The following SIPA1L2 variants were observed in gnomAD, a reference collection of about 807,000 sequenced individuals.
SIPA1L2 encodes the protein signal induced proliferation associated 1 like 2.
Under a neutral mutation model 163.9 loss-of-function variants are expected in SIPA1L2, and 56 were observed. The ratio of observed to expected loss-of-function variants is 0.34; its 90% CI spans 0.28 to 0.43. The LOEUF is 0.43. Ranked by LOEUF, SIPA1L2 falls within the 20% of genes least tolerant of loss-of-function variation. SIPA1L2 has a pLI of 1.00. For synonymous variants in SIPA1L2, 877 were observed against 865.7 expected (o/e 1.01, Z -0.23); for missense variants, 1,974 against 2,193.5 (o/e 0.90, Z 2.00).
chr1:232,458,216 C>T (rs1664039810), intron 10 of SIPA1L2, among the ~76,000 whole-genome samples: 1 of 152,128 alleles, frequency 6.6e-6, no homozygotes, highest in Admixed American at 6.5e-5. Context: ...TCCTAGGAGG[C>T]AAGGGCAAAA....
At chr1:232,607,771 A>C (rs1662010107) in intron 1 of SIPA1L2, among the ~76,000 whole-genome samples, 1 of 151,770 alleles carries the variant, frequency 6.6e-6, no homozygotes, top group Admixed American at 6.6e-5. Context: ...AAAAAAAAAA[A>C]AACGCCGGGC....
chr1:232,509,341 T>C (rs1210864946), intron 3 of SIPA1L2, among the ~76,000 whole-genome samples: 2 of 152,330 alleles, frequency 1.3e-5, no homozygotes, highest in Admixed American at 6.5e-5. Flanking sequence ...TTTGCCATGA[T>C]TGGGAGCCAG....
At chr1:232,578,777 TAACTGAC>T (rs1660214602) in intron 1 of SIPA1L2, among the ~76,000 whole-genome samples, 1 of 152,224 alleles carries the variant, frequency 6.6e-6, no homozygotes, top group Admixed American at 6.5e-5. Context: ...TCCACTCTTT[TAACTGAC>T]GGCTTTTGTT....
chr1:232,446,050 C>T (rs925446401), intron 10 of SIPA1L2, among the ~76,000 whole-genome samples: 1 of 152,180 alleles, frequency 6.6e-6, no homozygotes, highest in African/African-American at 2.4e-5. Flanking sequence ...GGCTGCCGTG[C>T]AGCCACACAC....
At chr1:232,455,669 C>G (rs1008532640) in intron 10 of SIPA1L2, among the ~76,000 whole-genome samples, 3 of 146,450 alleles carry the variant, frequency 2.0e-5, no homozygotes, top group Non-Finnish European at 4.5e-5. Context: ...GAGCCGAGAT[C>G]GCGCCACTGC....
chr1:232,484,026 T>C lies in SIPA1L2; in HGVS notation c.1807-60A>G, dbSNP rs932167162. 4.7e-6 allele frequency: 7 copies of C among 1,488,416 alleles called. No individual in the cohort carries two copies. The Admixed American group carries it at 1.5e-4, about 32-fold the overall frequency. The allele number at this position is 1,488,416 out of a possible 1,614,324, so 92.2% of individuals were successfully genotyped here. ...GCATATCAGACAAGCTAACTTCCAG[T>C]AAAATTAAAACTACAGAAGCTGAGA... On this transcript the variant is annotated intron_variant, in intron 5 of 22. Coordinates refer to ENST00000674635, the MANE Select transcript of SIPA1L2 (RefSeq NM_020808.5).
chr1:232,543,747 C>T (rs1657838277), intron 2 of SIPA1L2, among the ~76,000 whole-genome samples: 1 of 152,084 alleles, frequency 6.6e-6, no homozygotes, highest in Admixed American at 6.6e-5. Context: ...CGCATACCTG[C>T]AGTCCTAGCT....
chr1:232,573,293 T>C (rs1659901463), intron 2 of SIPA1L2, among the ~76,000 whole-genome samples: 1 of 152,146 alleles, frequency 6.6e-6, no homozygotes. Flanking sequence ...ATAATAGATT[T>C]GGTGTGAGTA....
chr1:232,550,194 T>C (rs1379925720), intron 2 of SIPA1L2, among the ~76,000 whole-genome samples: 1 of 152,222 alleles, frequency 6.6e-6, no homozygotes, highest in South Asian at 2.1e-4. Context: ...AAGGAGAGTG[T>C]TCATTACTCA....
At chr1:232,410,302 G>T (rs1282606749) in intron 19 of SIPA1L2, among the ~76,000 whole-genome samples, 1 of 151,732 alleles carries the variant, frequency 6.6e-6, no homozygotes, top group Admixed American at 6.6e-5. Flanking sequence ...TACTTTTTTG[G>T]GACAAATTGA....
chr1:232,501,886 G>A (rs1330786479), intron 3 of SIPA1L2, among the ~76,000 whole-genome samples: 1 of 152,206 alleles, frequency 6.6e-6, no homozygotes, highest in African/African-American at 2.4e-5. Context: ...GAGTGGTCTT[G>A]CTCTTCTACC....
rs56208215 is a variant in SIPA1L2, at chr1:232,608,047, C to CAAAAAAAAAAAAAAAAAAA, written c.-319+21803_-319+21821dup. The stretch of plus-strand genomic sequence containing the variant: ...GGGCAACAAGAGCGAAACTCCATCT[C>CAAAAAAAAAAAAAAAAAAA]AAAAAAAAAAAAAAAAAAAAAACGA... On this transcript the variant is annotated intron_variant, in intron 1 of 22. Transcript: ENST00000674635. 2.2e-4 allele frequency among the ~76,000 whole-genome samples: 15 copies of CAAAAAAAAAAAAAAAAAAA among 67,494 alleles called. 1 individual carries two copies. Among genetic ancestry groups the CAAAAAAAAAAAAAAAAAAA allele is most frequent in the South Asian group, 6.6e-4 (1 of 1,504 alleles). The allele number at this position is 67,494 out of a possible 152,430, so 44.3% of individuals were successfully genotyped here. A position where few individuals can be genotyped will look rare whatever the true frequency, so the allele number is the denominator to read the frequency against.
intron 3 of SIPA1L2, among the ~76,000 whole-genome samples, chr1:232,512,164 T>C (rs1466197060): frequency 6.6e-6 from 1 of 152,036 alleles, no homozygotes; most frequent in Admixed American, 6.6e-5. Context: ...AATCAAAACC[T>C]CAATGAGATA....
intron 2 of SIPA1L2, among the ~76,000 whole-genome samples, chr1:232,566,781 G>C (rs1659430818): frequency 6.6e-6 from 1 of 152,146 alleles, no homozygotes. Flanking sequence ...ATTTCAAGCA[G>C]GGCTTTAGGT....
At position 232,483,965 on chromosome 1, in the gene SIPA1L2, A is replaced by G; in HGVS notation, c.1808T>C (p.Leu603Pro). 6.2e-7 allele frequency: 1 copy of G among 1,604,996 alleles called. No individual in the cohort carries two copies. Among genetic ancestry groups the G allele is most frequent in the Non-Finnish European group, 8.5e-7 (1 of 1,177,578 alleles). ...GATCCCGATCTTGTGCTGAAAGCTCAGCTGAAATGGGGGAGAAATATAATT... is the reference window on the plus strand; with the variant it reads ...GATCCCGATCTTGTGCTGAAAGCTCGGCTGAAATGGGGGAGAAATATAATT... Reference protein sequence around the residue: ...EQLLKLDEQGLSFQHKIGILY... With the variant: ...EQLLKLDEQGPSFQHKIGILY... Residue 603 changes from leucine (L) to proline (P), a missense_variant and splice_region_variant, in exon 6 of 23, where the codon CTG becomes CCG. Physicochemically the swap from Leu to Pro is moderately conservative, Grantham distance 98 (BLOSUM62 -3). Around this residue, in one of 3 missense-constraint regions of SIPA1L2, gnomAD observed 288 missense variants for 418.9 expected, o/e 0.69. Transcript: ENST00000674635.
chr1:232,609,704 C>T (rs1422267093), intron 1 of SIPA1L2, among the ~76,000 whole-genome samples: 3 of 151,788 alleles, frequency 2.0e-5, no homozygotes, highest in East Asian at 1.9e-4. Context: ...GTGGTGGGTG[C>T]CTGTAATCCC....
At chr1:232,534,201 A>G (rs1271205054) in intron 2 of SIPA1L2, among the ~76,000 whole-genome samples, 1 of 152,196 alleles carries the variant, frequency 6.6e-6, no homozygotes, top group Non-Finnish European at 1.5e-5. Flanking sequence ...CATAAAGACC[A>G]ATGGAATAGA....
At chr1:232,607,214 GT>G (rs1439721657) in intron 1 of SIPA1L2, among the ~76,000 whole-genome samples, 3 of 152,034 alleles carry the variant, frequency 2.0e-5, no homozygotes, top group Non-Finnish European at 4.4e-5. Context: ...AATAACCATT[GT>G]AAATTTTTTA....
At chr1:232,532,527 T>G (rs16857567) in intron 2 of SIPA1L2, among the ~76,000 whole-genome samples, 3,310 of 152,320 alleles carry the variant, frequency 0.022, 122 homozygotes, top group African/African-American at 0.076. Flanking sequence ...TAAACTCAGC[T>G]ATATGTTCAA....
Sources: allele counts gnomAD v4.1 joint callset (sites outside exome capture counted in the v4.1 genomes callset), GRCh38; gene constraint gnomAD v4.1.1; regional missense constraint gnomAD v4.1.1; transcripts MANE v1.5; gene names NCBI Gene and HGNC (gene_info 2026-07-23, HGNC 2026-07-21).